Variants in SZT2 observed in about 807,000 individuals in gnomAD.
The protein encoded by SZT2 is KICSTOR complex protein SZT2.
A neutral mutation model predicts 404.2 loss-of-function variants in SZT2; 216 were observed. That is an observed-to-expected ratio of 0.53 (90% CI 0.48 to 0.60). The LOEUF is 0.60. SZT2 is among the 20% of genes least tolerant of loss of function. SZT2 has a pLI of 0.00. For synonymous variants in SZT2, 1,693 were observed against 1,749.9 expected, an observed-to-expected ratio of 0.97 and a Z score of 0.81; for missense variants, 3,857 against 4,459.2, an observed-to-expected ratio of 0.86 and a Z score of 3.85.
rs184988067 is a variant in SZT2 at position 43,447,155 on chromosome 1, T to C, written c.9273T>C (p.Asn3091=). 38 of 1,612,186 alleles carry C rather than the reference T, an allele frequency of 2.4e-5. No homozygotes were observed. In the East Asian group the frequency reaches 7.8e-4, roughly 33 times the overall value. ...CTGACGGACCCCACTTTGGCCGCAA[T>C]CACATTTACCAAGGTCAGTGCCCAA... ...HHPDGPHFGR[N]HIYQGTLELP... Residue 3091 remains asparagine (N), a synonymous_variant, in exon 66 of 72, where the codon AAT becomes AAC. Transcript: ENST00000634258.
rs535823940 is a variant in SZT2, at chr1:43,446,611, G to A, written c.9072+195G>A. ...CACTCACTACAAGGCTGACCCCATC[G>A]GTCATCCAAAGCGTGTTCAGCTGTA... On this transcript the variant is annotated intron_variant, in intron 65 of 71. Coordinates refer to ENST00000634258, the MANE Select transcript of SZT2 (RefSeq NM_001365999.1). 2.7e-5 allele frequency: 19 copies of A among 691,054 alleles called. No homozygotes were observed. The East Asian group carries it at 3.3e-4, about 12-fold the overall frequency. The allele number at this position is 691,054 out of a possible 1,614,324, so 42.8% of individuals were successfully genotyped here.
intron 4 of SZT2, among the ~76,000 whole-genome samples, chr1:43,414,676 G>A (rs116691522): frequency 1.3e-3 from 197 of 152,306 alleles, no homozygotes; most frequent in African/African-American, 4.3e-3. Context: ...GGGCTGGTCA[G>A]TATGCTTAGA....
At position 43,445,955 on chromosome 1, in the gene SZT2, C is replaced by T; in HGVS notation, c.8887C>T (p.Pro2963Ser). Residue 2963 changes from proline to serine, a missense_variant, in exon 63 of 72, where the codon CCT becomes TCT. Coordinates refer to ENST00000634258, the MANE Select transcript of SZT2 (RefSeq NM_001365999.1). ...GTEGRGSFSC[P>S]KTKTDGSPKS... Reference sequence around the variant, plus strand: ...AGAGGGTCGAGGCTCCTTCTCCTGCCCTAAAACCAAGACTGATGGGAGCCC... The same window carrying T: ...AGAGGGTCGAGGCTCCTTCTCCTGCTCTAAAACCAAGACTGATGGGAGCCC... The T allele has an allele frequency of 6.2e-7, 1 of 1,614,216 alleles. No individual in the cohort carries two copies. Among genetic ancestry groups the T allele is most frequent in the Non-Finnish European group, 8.5e-7 (1 of 1,180,038 alleles).
Position 43,430,044 on chromosome 1 carries a change from C to G in SZT2, c.4342C>G (p.Arg1448Gly). ...CCTAGAGATCAGTCGTCTCCACTTC[C>G]GCACAGTGCCTTCCAATCCCCACTA... is the stretch of plus-strand genomic sequence containing the variant. ...KFLEISRLHFRTVPSNPHYFF... is the reference protein window; with the variant it reads ...KFLEISRLHFGTVPSNPHYFF... The change falls in exon 30 of 72, where the codon CGC becomes GGC. Residue 1448 changes from arginine to glycine, a missense_variant. Arg to Gly is a moderately radical substitution (Grantham distance 125, BLOSUM62 -2). Transcript: ENST00000634258. 1.2e-6 allele frequency: 2 copies of G among 1,614,160 alleles called. No homozygotes were observed. The highest frequency in any genetic ancestry group is 1.7e-5 in the Admixed American group (1 of 60,022).
chr1:43,434,221 C>G (rs1163570589), intron 40 of SZT2, among the ~76,000 whole-genome samples, 165 bp from the exon 41 acceptor site: 1 of 152,234 alleles, frequency 6.6e-6, no homozygotes, highest in African/African-American at 2.4e-5. Context: ...CCAGGTTTAC[C>G]TCTGTCCAAG....
chr1:43,391,843 AGGCCGAGGCGGGCGG>A (rs1648376420), intron 1 of SZT2, among the ~76,000 whole-genome samples: 5 of 35,626 alleles, frequency 1.4e-4, no homozygotes, highest in African/African-American at 5.9e-4. Flanking sequence ...GCACTTTGGG[AGGCCGAGGCGGGCGG>A]ATCACGAGGT....
rs376441203 is a variant in SZT2, at chr1:43,431,216, C to G, written c.4917-49C>G. The G allele has an allele frequency of 7.7e-6, 12 of 1,562,824 alleles. No homozygotes were observed. The African/African-American group carries it at 1.4e-4, about 18-fold the overall frequency. On this transcript the variant is annotated intron_variant, in intron 33 of 71. Transcript: ENST00000634258. ...CCAAGAATGAAGTAAGGAGGAGGCC[C>G]TGGTAGGATAGTAACTCCTGACCTT...
chr1:43,413,475 C>G (rs972443363), intron 4 of SZT2, among the ~76,000 whole-genome samples: 3 of 152,160 alleles, frequency 2.0e-5, no homozygotes, highest in African/African-American at 7.2e-5. Flanking sequence ...GAAAGGAAAT[C>G]AGTATATGGA....
Position 43,453,695 on chromosome 1 carries a change from C to T in SZT2, c.*3215C>T, listed in dbSNP as rs771549328. 9 of 1,439,024 alleles carry T rather than the reference C, an allele frequency of 6.3e-6. No homozygotes were observed. Among genetic ancestry groups the T allele is most frequent in the African/African-American group, 3.0e-5 (2 of 66,666 alleles). 89.1% of individuals were successfully genotyped at this position (1,439,024 alleles called of 1,614,324 possible). A position where few individuals can be genotyped will look rare whatever the true frequency, so the allele number is the denominator to read the frequency against. On this transcript the variant is annotated 3_prime_UTR_variant, in exon 72 of 72. Transcript: ENST00000634258. ...CGTACGGCCAGGCCACCTCGACGGC[C>T]TCGAAGCCCGAGCTGCCCGCGGCCC... is the stretch of plus-strand genomic sequence containing the variant.
At chr1:43,432,026 C>A in intron 36 of SZT2, 125 bp downstream of exon 36, 2 of 1,270,974 alleles carry the variant, frequency 1.6e-6, no homozygotes, top group Non-Finnish European at 2.2e-6. Context: ...TCTCCCTGCT[C>A]ACCACATCAT....
rs1187055612 is a variant in SZT2, at chr1:43,425,912, A to G, written c.2892A>G (p.Glu964=). ...EYLIQLCQSK[E]WGPLPPEPRV... ...TGATACAGCTGTGTCAGAGCAAGGA[A>G]TGGGGTCCTCTGCCCCCAGAGCCGA... Residue 964 remains glutamate, a synonymous_variant, in exon 20 of 72, where the codon GAA becomes GAG. Coordinates refer to ENST00000634258, the MANE Select transcript of SZT2 (RefSeq NM_001365999.1). The surrounding 1 kb of genome is among the most constrained non-coding windows in gnomAD (Gnocchi z 4.3). 1 of 1,614,024 alleles carries G rather than the reference A, an allele frequency of 6.2e-7. No individual in the cohort carries two copies. Among genetic ancestry groups the G allele is most frequent in the Non-Finnish European group, 8.5e-7 (1 of 1,180,010 alleles).
chr1:43,441,588 T>G lies in SZT2; in HGVS notation c.7596T>G (p.Phe2532Leu), dbSNP rs1655065818. The change falls in exon 54 of 72, where the codon TTT becomes TTG. Residue 2532 changes from phenylalanine (F) to leucine (L), a missense_variant. By Grantham distance (22) the Phe-to-Leu change is conservative (BLOSUM62 0). Transcript: ENST00000634258. This position sits in a 1 kb window ranked among gnomAD's most constrained non-coding sequence, Gnocchi z 4.8. ...FARVAQRWME[F>L]MVQIGCASVS... Reference sequence around the variant, plus strand: ...GTGTTGCTCAGCGCTGGATGGAGTTTATGGTTCAGATTGGTGAGACCCCAG... The same window carrying G: ...GTGTTGCTCAGCGCTGGATGGAGTTGATGGTTCAGATTGGTGAGACCCCAG... 6.2e-7 allele frequency: 1 copy of G among 1,614,124 alleles called. No homozygotes were observed. The highest frequency in any genetic ancestry group is 2.2e-5 in the East Asian group (1 of 44,880).
chr1:43,446,697 T>C lies in SZT2; in HGVS notation c.9073-258T>C, dbSNP rs1159016322. On this transcript the variant is annotated intron_variant, in intron 65 of 71. Coordinates refer to ENST00000634258, the MANE Select transcript of SZT2 (RefSeq NM_001365999.1). ...GTCATCTAGAGTCTGTGGCAGACCC[T>C]GATGGAATCTGGGATAGAGCAAAAT... is the stretch of plus-strand genomic sequence containing the variant. 4 of 615,792 alleles carry C rather than the reference T, an allele frequency of 6.5e-6. No individual in the cohort carries two copies. In the East Asian group the frequency reaches 1.1e-4, roughly 17 times the overall value. 38.1% of individuals were successfully genotyped at this position (615,792 alleles called of 1,614,324 possible). A position where few individuals can be genotyped will look rare whatever the true frequency, so the allele number is the denominator to read the frequency against.
intron 14 of SZT2, 84 bp from the exon 15 acceptor site, chr1:43,423,015 C>T: frequency 6.6e-7 from 1 of 1,504,120 alleles, no homozygotes. Context: ...GAGAAGAGGG[C>T]TGTGTCTCAC....
Position 43,453,362 on chromosome 1 carries a change from T to TGGGGGGGCGGGGGG in SZT2, c.*2887_*2888insGGCGGGGGGGGGGG. On this transcript the variant is annotated 3_prime_UTR_variant, in exon 72 of 72. Transcript: ENST00000634258. Reference sequence around the variant, plus strand: ...GCATCAGGGTCATGGGTCACAGGGGTGGGGGTGGGGTGGAGCGGGGTACCT... The same window carrying TGGGGGGGCGGGGGG: ...GCATCAGGGTCATGGGTCACAGGGGTGGGGGGGCGGGGGGGGGGGTGGGGTGGAGCGGGGTACCT... The TGGGGGGGCGGGGGG allele has an allele frequency of 1.1e-6, 1 of 877,790 alleles. No individual in the cohort carries two copies. The highest frequency in any genetic ancestry group is 1.4e-6 in the Non-Finnish European group (1 of 718,704). 54.4% of individuals were successfully genotyped at this position (877,790 alleles called of 1,614,324 possible). A position where few individuals can be genotyped will look rare whatever the true frequency, so the allele number is the denominator to read the frequency against.
rs1394131270 is a variant in SZT2 at position 43,442,529 on chromosome 1, C to T, written c.8062C>T (p.Arg2688Ter). Reference protein sequence around the residue: ...LVRLVQWQNARAHLIFCLLSQ... With the variant: ...LVRLVQWQNA ...TCGCCTGGTGCAGTGGCAGAATGCA[C>T]GAGCCCATCTCATCTTCTGCCTACT... The change falls in exon 58 of 72, where the codon CGA becomes TGA. Residue 2688 changes from arginine to a stop codon, truncating the protein, a stop_gained. Transcript: ENST00000634258. LOFTEE classifies it high-confidence loss of function. The surrounding 1 kb of genome is among the most constrained non-coding windows in gnomAD (Gnocchi z 4.5). The T allele has an allele frequency of 2.5e-6, 4 of 1,614,072 alleles. No individual in the cohort carries two copies. The highest frequency in any genetic ancestry group is 1.7e-5 in the Admixed American group (1 of 60,012).
At chr1:43,394,465 C>G (rs1458696883) in intron 1 of SZT2, among the ~76,000 whole-genome samples, 1 of 152,168 alleles carries the variant, frequency 6.6e-6, no homozygotes, top group Non-Finnish European at 1.5e-5. Flanking sequence ...ATTTTTCATG[C>G]AGCTGGTCCT....
chr1:43,436,904 GC>G, intron 42 of SZT2: 2 of 509,578 alleles, frequency 3.9e-6, no homozygotes, highest in Admixed American at 7.1e-5. Flanking sequence ...ATTTCCTCAT[GC>G]TTTGCCTGCC....
Position 43,426,655 on chromosome 1 carries a change from C to T in SZT2, c.3215-60C>T. 3 of 1,527,080 alleles carry T rather than the reference C, an allele frequency of 2.0e-6. No homozygotes were observed. The highest frequency in any genetic ancestry group is 2.7e-6 in the Non-Finnish European group (3 of 1,126,686). 94.6% of individuals were successfully genotyped at this position (1,527,080 alleles called of 1,614,324 possible). Reference sequence around the variant, plus strand: ...TCCCCTTCCTCCCCCTTTCTTCAACCCAGAGTCCCGCCTCTCTGCTGGCCC... The same window carrying T: ...TCCCCTTCCTCCCCCTTTCTTCAACTCAGAGTCCCGCCTCTCTGCTGGCCC... On this transcript the variant is annotated intron_variant, in intron 22 of 71. Transcript: ENST00000634258. This position sits in a 1 kb window ranked among gnomAD's most constrained non-coding sequence, Gnocchi z 4.9.
Sources: gnomAD v4.1 joint callset for allele counts (sites outside exome capture counted in the v4.1 genomes callset) on GRCh38, gnomAD v4.1.1 for gene constraint, Gnocchi (gnomAD v3.1) non-coding constraint, MANE v1.5 for transcripts, NCBI Gene and HGNC (gene_info 2026-07-23, HGNC 2026-07-21) for gene names.